ZFR2: variants seen among roughly 807,000 people sequenced by gnomAD.
ZFR2 encodes the protein zinc finger RNA-binding protein 2.
In ZFR2, 104 loss-of-function variants were observed where a neutral mutation model predicts 105.7. The ratio of observed to expected loss-of-function variants is 0.98; its 90% CI spans 0.84 to 1.16. ZFR2 has a LOEUF of 1.16. Among genes scored for constraint, ZFR2 ranks in the 50% most tolerant of loss-of-function variants. The pLI is 0.00. For missense variants in ZFR2, 1,425 were observed against 1,355.5 expected, an observed-to-expected ratio of 1.05 and a Z score of -0.80; for synonymous variants, 634 against 597.7, an observed-to-expected ratio of 1.06 and a Z score of -0.89.
chr19:3,856,355 C>G (rs180833500), intron 1 of ZFR2, among the ~76,000 whole-genome samples: 99 of 152,254 alleles, frequency 6.5e-4, no homozygotes, highest in African/African-American at 2.3e-3. Context: ...AGGGAGAGGC[C>G]TGCGCTGGAG....
chr19:3,808,661 G>A (rs745766696), intron 17 of ZFR2, among the ~76,000 whole-genome samples: 8 of 152,246 alleles, frequency 5.3e-5, no homozygotes, highest in Admixed American at 2.6e-4. Flanking sequence ...CGGGACCTGC[G>A]TGTCTGTGCC....
intron 9 of ZFR2, 21 bp from the exon 10 acceptor site, chr19:3,821,500 T>TC: frequency 6.3e-7 from 1 of 1,575,790 alleles, no homozygotes; most frequent in Non-Finnish European, 8.7e-7. Context: ...CAGGCAAGGC[T>TC]CTGAGAGTAG....
intron 6 of ZFR2, among the ~76,000 whole-genome samples, 191 bp from the exon 7 acceptor site, chr19:3,825,598 C>G (rs2037940578): frequency 1.3e-5 from 2 of 152,200 alleles, no homozygotes; most frequent in Admixed American, 1.3e-4. Flanking sequence ...AGGTGGCCTC[C>G]TGCCTTGCAC....
chr19:3,809,460 G>A (rs901134606), intron 16 of ZFR2, among the ~76,000 whole-genome samples: 5 of 152,150 alleles, frequency 3.3e-5, no homozygotes, highest in African/African-American at 9.7e-5. Flanking sequence ...GCCAGTTCCC[G>A]AGGGCACGAG....
chr19:3,867,347 C>T (rs1225564054), intron 1 of ZFR2, among the ~76,000 whole-genome samples: 1 of 151,978 alleles, frequency 6.6e-6, no homozygotes, highest in Non-Finnish European at 1.5e-5. Context: ...GCCCTGGCTC[C>T]CGGACTGGGA....
chr19:3,827,599 T>G lies in ZFR2; in HGVS notation c.907A>C (p.Lys303Gln). 1 of 1,579,128 alleles carries G rather than the reference T, an allele frequency of 6.3e-7. No individual in the cohort carries two copies. Among genetic ancestry groups the G allele is most frequent in the Non-Finnish European group, 8.6e-7 (1 of 1,162,960 alleles). The change falls in exon 6 of 19, where the codon AAG becomes CAG. Residue 303 changes from lysine to glutamine, a missense_variant. Physicochemically the swap from Lys to Gln is moderately conservative, Grantham distance 53. Transcript: ENST00000262961. ...QKHRKKEAAQ[K>Q]TGVQPNGSPR... is the part of the protein sequence containing the mutation. The stretch of plus-strand genomic sequence containing the variant: ...CTCCCGTTGGGCTGCACGCCTGTCT[T>G]CTGGGCCGCCTCCTTCTTTCTGTGC...
At position 3,858,467 on chromosome 19, in the gene ZFR2, G is replaced by C. The variant is rs1014470452; in HGVS notation, c.53+10498C>G. Among the ~76,000 whole-genome samples the C allele has an allele frequency of 1.3e-5, 2 of 152,222 alleles. No individual in the cohort carries two copies. The highest frequency in any genetic ancestry group is 4.8e-5 in the African/African-American group (2 of 41,458). On this transcript the variant is annotated intron_variant, in intron 1 of 18. Coordinates refer to ENST00000262961, the MANE Select transcript of ZFR2 (RefSeq NM_015174.2). The surrounding 1 kb of genome is among the most constrained non-coding windows in gnomAD (Gnocchi z 4.3). The stretch of plus-strand genomic sequence containing the variant: ...ATTTAGAGTCCAAGGAAAAACTCAA[G>C]TGGAAATAAAGATTTTCCTGGAATC...
At position 3,833,750 on chromosome 19, in the gene ZFR2, G is replaced by T; in HGVS notation, c.293C>A (p.Ala98Asp). 6.3e-7 allele frequency: 1 copy of T among 1,581,128 alleles called. No homozygotes were observed. Among genetic ancestry groups the T allele is most frequent in the Admixed American group, 1.8e-5 (1 of 55,248 alleles). ...CGGCCTGTCCTCATAGCTCCTGGCA[G>T]CTGCTGACTGTCCGTAGCTGTAACT... Reference protein sequence around the residue: ...QDSYSYGQSAAARSYEDRPYF... With the variant: ...QDSYSYGQSADARSYEDRPYF... Residue 98 changes from alanine to aspartate, a missense_variant, in exon 3 of 19, where the codon GCT becomes GAT. Transcript: ENST00000262961.
At chr19:3,860,503 T>C (rs2038360949) in intron 1 of ZFR2, among the ~76,000 whole-genome samples, 1 of 152,154 alleles carries the variant, frequency 6.6e-6, no homozygotes, top group African/African-American at 2.4e-5. Flanking sequence ...GGCGTCGAGT[T>C]TCCCGAGCCT....
At chr19:3,852,660 G>A (rs747168312) in intron 1 of ZFR2, 14 of 693,640 alleles carry the variant, frequency 2.0e-5, no homozygotes, top group South Asian at 2.0e-4. Context: ...GGATATAAGG[G>A]TGGATGAAGG....
chr19:3,828,754 C>T (rs1023430888), intron 5 of ZFR2, among the ~76,000 whole-genome samples: 1 of 152,182 alleles, frequency 6.6e-6, no homozygotes, highest in Non-Finnish European at 1.5e-5. Context: ...ACGAAACCAA[C>T]ACGCCCTGAC....
chr19:3,852,564 G>A (rs546537809), intron 1 of ZFR2: 3 of 718,624 alleles, frequency 4.2e-6, no homozygotes, highest in East Asian at 2.7e-5. Flanking sequence ...CCAAGGCAGG[G>A]CACAAGGAAG....
rs754792465 is a variant in ZFR2, at chr19:3,816,749, G to A, written c.2028C>T (p.Leu676=). The A allele has an allele frequency of 4.3e-6, 7 of 1,612,442 alleles. No homozygotes were observed. The South Asian group carries it at 4.4e-5, about 10-fold the overall frequency. The change falls in exon 13 of 19, where the codon CTC becomes CTT. Residue 676 remains leucine (L), a synonymous_variant. Transcript: ENST00000262961. ...LLLRGDRNVR[L]ALLCSEKPTH... ...TGGGCTTCTCGGAGCAGAGCAGAGC[G>A]AGGCGCACGTTCCTGTCCCCACGCA... is the stretch of plus-strand genomic sequence containing the variant.
At chr19:3,847,915 G>A (rs4807517) in intron 1 of ZFR2, among the ~76,000 whole-genome samples, 1,936 of 152,256 alleles carry the variant, frequency 0.013, 66 homozygotes, top group Admixed American at 0.072. Context: ...GGAGAGGGGC[G>A]GAGTCCAAAC....
intron 1 of ZFR2, among the ~76,000 whole-genome samples, chr19:3,847,780 G>A (rs772465909): frequency 1.3e-5 from 2 of 152,106 alleles, no homozygotes; most frequent in Non-Finnish European, 2.9e-5. Context: ...GTGGCTTCTT[G>A]TCCTGCCTGA....
In ZFR2 at chr19:3,844,559, G is replaced by T. The variant is rs766891829; in HGVS notation, c.54-9576C>A. On this transcript the variant is annotated intron_variant, in intron 1 of 18. Coordinates refer to ENST00000262961, the MANE Select transcript of ZFR2 (RefSeq NM_015174.2). The stretch of plus-strand genomic sequence containing the variant: ...ATTTTTGTATTTTTGGTAGAGACGG[G>T]GTTTCCACCATGTTGGCCAGGCTGA... Among the ~76,000 whole-genome samples the T allele has an allele frequency of 6.6e-5, 10 of 152,036 alleles. No homozygotes were observed. The South Asian group carries it at 1.7e-3, about 25-fold the overall frequency.
In ZFR2 at chr19:3,813,002, C is replaced by T. The variant is rs947003914; in HGVS notation, c.2242+818G>A. On this transcript the variant is annotated intron_variant, in intron 14 of 18. Coordinates refer to ENST00000262961, the MANE Select transcript of ZFR2 (RefSeq NM_015174.2). This position sits in a 1 kb window ranked among gnomAD's most constrained non-coding sequence, Gnocchi z 4.4. ...GGCTGAGGCAGGAGAATCGCTTGAA[C>T]CCAGGCGGCGGAAGTTGCAGTGAGC... is the stretch of plus-strand genomic sequence containing the variant. Among the ~76,000 whole-genome samples, 2 of 152,212 alleles carry T rather than the reference C, an allele frequency of 1.3e-5. No homozygotes were observed. Among genetic ancestry groups the T allele is most frequent in the Non-Finnish European group, 2.9e-5 (2 of 68,042 alleles).
At chr19:3,817,091 A>G (rs938722532) in intron 12 of ZFR2, among the ~76,000 whole-genome samples, 10 of 152,150 alleles carry the variant, frequency 6.6e-5, no homozygotes, top group African/African-American at 2.4e-4. Flanking sequence ...CGCGTGGCCA[A>G]ACCCACATTT....
At chr19:3,854,760 A>G (rs1599253592) in intron 1 of ZFR2, among the ~76,000 whole-genome samples, 1 of 152,248 alleles carries the variant, frequency 6.6e-6, no homozygotes, top group East Asian at 1.9e-4. Flanking sequence ...AAACTACATC[A>G]TTAAGAGGTT....
Sources: gnomAD v4.1 joint callset for allele counts (sites outside exome capture counted in the v4.1 genomes callset) on GRCh38, gnomAD v4.1.1 for gene constraint, Gnocchi (gnomAD v3.1) non-coding constraint, MANE v1.5 for transcripts, NCBI Gene and HGNC (gene_info 2026-07-23, HGNC 2026-07-21) for gene names.